Variants in AGAP1 observed in about 807,000 individuals in gnomAD.
AGAP1 encodes the protein arf-GAP with GTPase, ANK repeat and PH domain-containing protein 1.
A neutral mutation model predicts 105.3 loss-of-function variants in AGAP1; 29 were observed. The ratio of observed to expected loss-of-function variants is 0.28; its 90% CI spans 0.21 to 0.38. The LOEUF is 0.38. Among genes scored for constraint, AGAP1 ranks in the 10% least tolerant of loss-of-function variants. AGAP1 has a pLI of 1.00. For synonymous variants in AGAP1, 509 were observed against 485.9 expected, an observed-to-expected ratio of 1.05 and a Z score of -0.63; for missense variants, 998 against 1,165.1, an observed-to-expected ratio of 0.86 and a Z score of 2.09.
Position 235,672,302 on chromosome 2 carries a change from A to G in AGAP1, c.164-36877A>G, listed in dbSNP as rs1406096883. Among the ~76,000 whole-genome samples, 7 of 152,220 alleles carry G rather than the reference A, an allele frequency of 4.6e-5. No homozygotes were observed. In the East Asian group the frequency reaches 5.8e-4, roughly 13 times the overall value. Reference sequence around the variant, plus strand: ...AAGGTAAAGTGAAGATAAAATGGTCATGTTCTAATATGCTCCTAATGATCC... The same window carrying G: ...AAGGTAAAGTGAAGATAAAATGGTCGTGTTCTAATATGCTCCTAATGATCC... On this transcript the variant is annotated intron_variant, in intron 1 of 17. Transcript: ENST00000304032.
chr2:235,823,547 C>T (rs1461660577), intron 9 of AGAP1, among the ~76,000 whole-genome samples: 1 of 152,178 alleles, frequency 6.6e-6, no homozygotes, highest in Non-Finnish European at 1.5e-5. Context: ...AACTGAGTCC[C>T]AGGAAGGGTA....
intron 7 of AGAP1, among the ~76,000 whole-genome samples, chr2:235,798,144 T>C (rs1419420037): frequency 6.6e-6 from 1 of 152,184 alleles, no homozygotes; most frequent in African/African-American, 2.4e-5. Context: ...AGGTGTGTGC[T>C]GCAGTCCTCG....
At position 235,801,044 on chromosome 2, in the gene AGAP1, C is replaced by G. The variant is rs143058322; in HGVS notation, c.957+1522C>G. Among the ~76,000 whole-genome samples, 33 of 152,296 alleles carry G rather than the reference C, an allele frequency of 2.2e-4. No individual in the cohort carries two copies. The highest frequency in any genetic ancestry group is 7.7e-4 in the African/African-American group (32 of 41,550). On this transcript the variant is annotated intron_variant, in intron 8 of 17. Coordinates refer to ENST00000304032, the MANE Select transcript of AGAP1 (RefSeq NM_001037131.3). The surrounding 1 kb of genome is among the most constrained non-coding windows in gnomAD (Gnocchi z 6.0). ...CCCTCTGCCACATGTCTGGGGCAGT[C>G]TCTCATTGGATGCTCATGACTGCGG...
chr2:236,106,639 T>G (rs1263889220), intron 16 of AGAP1, among the ~76,000 whole-genome samples: 1 of 152,160 alleles, frequency 6.6e-6, no homozygotes, highest in Non-Finnish European at 1.5e-5. Flanking sequence ...ATGAATGCAT[T>G]TGGAGAAGGT....
At chr2:235,764,258 G>A (rs977882061) in intron 6 of AGAP1, among the ~76,000 whole-genome samples, 1 of 152,226 alleles carries the variant, frequency 6.6e-6, no homozygotes, top group South Asian at 2.1e-4. Flanking sequence ...GCTGTGTGTC[G>A]TTGGTGCTCT....
At position 236,130,912 on chromosome 2, in the gene AGAP1, C is replaced by G. The variant is rs1225953813; in HGVS notation, c.*6790C>G. ...CACGAGGGACCTCCCCCATCCCAAC[C>G]CAGCCCCAAGGGTCCCAGCAGGGCT... On this transcript the variant is annotated 3_prime_UTR_variant, in exon 18 of 18. Transcript: ENST00000304032. The surrounding 1 kb of genome is among the most constrained non-coding windows in gnomAD (Gnocchi z 5.8). 6.6e-6 allele frequency: 1 copy of G among 152,338 alleles called. No homozygotes were observed. Among genetic ancestry groups the G allele is most frequent in the Non-Finnish European group, 1.5e-5 (1 of 68,178 alleles). 9.4% of individuals were successfully genotyped at this position (152,338 alleles called of 1,614,324 possible). A position where few individuals can be genotyped will look rare whatever the true frequency, so the allele number is the denominator to read the frequency against.
At chr2:235,514,919 C>T (rs1458375885) in intron 1 of AGAP1, among the ~76,000 whole-genome samples, 2 of 152,104 alleles carry the variant, frequency 1.3e-5, no homozygotes, top group African/African-American at 2.4e-5. Flanking sequence ...GACTCATGTC[C>T]CAGAGAAGGG....
At chr2:236,047,361 C>A (rs1025337720) in intron 15 of AGAP1, among the ~76,000 whole-genome samples, 2 of 151,936 alleles carry the variant, frequency 1.3e-5, no homozygotes, top group African/African-American at 4.8e-5. Flanking sequence ...GAGGAGGGGT[C>A]CACGCCAGCT....
rs1423340226 is a variant in AGAP1 at position 235,660,377 on chromosome 2, C to T, written c.164-48802C>T. On this transcript the variant is annotated intron_variant, in intron 1 of 17. Coordinates refer to ENST00000304032, the MANE Select transcript of AGAP1 (RefSeq NM_001037131.3). This position sits in a 1 kb window ranked among gnomAD's most constrained non-coding sequence, Gnocchi z 5.3. ...GGTAACATGACTGAGGCATTACCTG[C>T]ACTGATTAAGTCAACCATCAAGCAG... Among the ~76,000 whole-genome samples, 1 of 152,160 alleles carries T rather than the reference C, an allele frequency of 6.6e-6. No homozygotes were observed. The highest frequency in any genetic ancestry group is 1.5e-5 in the Non-Finnish European group (1 of 68,046).
intron 1 of AGAP1, among the ~76,000 whole-genome samples, chr2:235,497,531 C>T (rs1941369770): frequency 6.6e-6 from 1 of 152,228 alleles, no homozygotes; most frequent in African/African-American, 2.4e-5. Flanking sequence ...TTTTCCCCTT[C>T]CTCTGTATGT....
rs556624132 is a variant in AGAP1 at position 235,867,961 on chromosome 2, G to GA, written c.1051-15379dup. On this transcript the variant is annotated intron_variant, in intron 9 of 17. Coordinates refer to ENST00000304032, the MANE Select transcript of AGAP1 (RefSeq NM_001037131.3). This position sits in a 1 kb window ranked among gnomAD's most constrained non-coding sequence, Gnocchi z 5.4. ...CAGTTTTAATACATGTTTATAGGGG[G>GA]AAAAATCTTAATTAGAATAATTAGA... 1.7e-3 allele frequency among the ~76,000 whole-genome samples: 263 copies of GA among 152,156 alleles called. No homozygotes were observed. Among genetic ancestry groups the GA allele is most frequent in the African/African-American group, 5.8e-3 (239 of 41,512 alleles).
chr2:235,694,514 G>A (rs891054772), intron 1 of AGAP1, among the ~76,000 whole-genome samples: 19 of 151,468 alleles, frequency 1.3e-4, no homozygotes, highest in Non-Finnish European at 2.1e-4. Flanking sequence ...TGGGCATGGT[G>A]GCAGTGCCCT....
intron 1 of AGAP1, among the ~76,000 whole-genome samples, chr2:235,634,421 T>G (rs952582832): frequency 3.3e-5 from 5 of 152,200 alleles, no homozygotes; most frequent in African/African-American, 1.2e-4. Flanking sequence ...CCCAAGGGCA[T>G]CCCTGAGATG....
At chr2:236,048,949 G>T (rs879851779) in intron 15 of AGAP1, 110 bp from the exon 16 acceptor site, 1 of 1,048,932 alleles carries the variant, frequency 9.5e-7, no homozygotes, top group East Asian at 2.4e-5. Flanking sequence ...CCATGGATGT[G>T]GTTCTGTCGT....
At chr2:235,770,462 CTG>C (rs1379339036) in intron 6 of AGAP1, among the ~76,000 whole-genome samples, 13 of 152,116 alleles carry the variant, frequency 8.5e-5, no homozygotes, top group Admixed American at 7.2e-4. Context: ...GAGTCTCACT[CTG>C]TCACCCAGGC....
chr2:235,836,449 C>T (rs1344112971), intron 9 of AGAP1, among the ~76,000 whole-genome samples: 2 of 152,172 alleles, frequency 1.3e-5, no homozygotes, highest in African/African-American at 4.8e-5. Context: ...GGGAATGCTG[C>T]TGACTTTTGA....
intron 13 of AGAP1, 126 bp downstream of exon 13, chr2:235,968,749 C>A: frequency 1.9e-6 from 2 of 1,027,654 alleles, no homozygotes; most frequent in Non-Finnish European, 2.8e-6. Context: ...ACCGTATGTG[C>A]TTTCTGTTTG....
At chr2:235,974,891 T>A (rs900827240) in intron 13 of AGAP1, among the ~76,000 whole-genome samples, 1 of 152,204 alleles carries the variant, frequency 6.6e-6, no homozygotes, top group African/African-American at 2.4e-5. Flanking sequence ...TCGGTTCCTC[T>A]CTCTCTCCAA....
At chr2:235,812,811 A>C (rs1329027869) in intron 9 of AGAP1, among the ~76,000 whole-genome samples, 1 of 152,228 alleles carries the variant, frequency 6.6e-6, no homozygotes, top group Non-Finnish European at 1.5e-5. Context: ...TTGAGGAACC[A>C]AGGTGAGCGA....
Sources: gnomAD v4.1 joint callset for allele counts (sites outside exome capture counted in the v4.1 genomes callset) on GRCh38, gnomAD v4.1.1 for gene constraint, Gnocchi (gnomAD v3.1) non-coding constraint, MANE v1.5 for transcripts, NCBI Gene and HGNC (gene_info 2026-07-23, HGNC 2026-07-21) for gene names.